Variants in ALK observed in about 807,000 individuals in gnomAD.
ALK encodes ALK tyrosine kinase receptor.
A neutral mutation model predicts 163.1 loss-of-function variants in ALK; 74 were observed. The ratio of observed to expected loss-of-function variants is 0.45; its 90% CI spans 0.38 to 0.55. The LOEUF (loss-of-function observed/expected upper bound fraction) is 0.55, where lower values mean the gene tolerates loss of function less well. ALK is among the 20% of genes least tolerant of loss of function. The pLI is 0.00. For missense variants in ALK, 2,063 were observed against 2,105.3 expected (o/e 0.98, Z 0.39); for synonymous variants, 960 against 843.2 (o/e 1.14, Z -2.40).
chr2:29,715,751 C>A (rs536454087), intron 2 of ALK, among the ~76,000 whole-genome samples: 1 of 152,322 alleles, frequency 6.6e-6, no homozygotes, highest in South Asian at 2.1e-4. Context: ...GGTTACAAAG[C>A]ATTAACAATG....
intron 3 of ALK, among the ~76,000 whole-genome samples, chr2:29,694,289 C>G (rs1446188566): frequency 6.6e-6 from 1 of 152,208 alleles, no homozygotes; most frequent in East Asian, 1.9e-4. Flanking sequence ...TCACACCAAG[C>G]AAATGTGTCG....
intron 5 of ALK, among the ~76,000 whole-genome samples, chr2:29,337,147 A>T (rs888479688): frequency 2.0e-5 from 3 of 152,202 alleles, no homozygotes; most frequent in African/African-American, 7.2e-5. Context: ...GGGGTATTAG[A>T]AGGCCTGAGA....
chr2:29,583,271 T>C (rs986887505), intron 3 of ALK, among the ~76,000 whole-genome samples: 1 of 152,152 alleles, frequency 6.6e-6, no homozygotes, highest in Non-Finnish European at 1.5e-5. Flanking sequence ...AACTAAACAT[T>C]GCATCATGCT....
chr2:29,878,523 C>T (rs941832961), intron 1 of ALK, among the ~76,000 whole-genome samples: 4 of 152,184 alleles, frequency 2.6e-5, no homozygotes, highest in Admixed American at 6.5e-5. Flanking sequence ...TTTTAGCCAT[C>T]ATTCCTAGGC....
In ALK at chr2:29,549,988, T is replaced by C. The variant is rs1673672760; in HGVS notation, c.953-17872A>G. 2.0e-5 allele frequency among the ~76,000 whole-genome samples: 3 copies of C among 151,440 alleles called. No individual in the cohort carries two copies. In the South Asian group the frequency reaches 6.3e-4, roughly 32 times the overall value. On this transcript the variant is annotated intron_variant, in intron 3 of 28. Coordinates refer to ENST00000389048, the MANE Select transcript of ALK (RefSeq NM_004304.5). ...CTAAGCCCCTGGATAAAAAAGTGCT[T>C]CAATTACTATTACAATTCAGGTCCC...
chr2:29,198,759 G>T lies in ALK; in HGVS notation c.3939-1083C>A, dbSNP rs528345698. Among the ~76,000 whole-genome samples the T allele has an allele frequency of 4.7e-4, 71 of 152,148 alleles. 1 individual carries two copies. Among genetic ancestry groups the T allele is most frequent in the Admixed American group, 7.2e-4 (11 of 15,282 alleles). ...TAGAATATTTTAAATTATGTTTATT[G>T]ACTTGATAATTCACATGGTTGGATG... On this transcript the variant is annotated intron_variant, in intron 26 of 28. Coordinates refer to ENST00000389048, the MANE Select transcript of ALK (RefSeq NM_004304.5).
At position 29,282,856 on chromosome 2, in the gene ALK, G is replaced by T. The variant is rs149836789; in HGVS notation, c.1818-7360C>A. 3.7e-4 allele frequency among the ~76,000 whole-genome samples: 56 copies of T among 152,010 alleles called. 1 individual carries two copies. The East Asian group carries it at 0.01, about 28-fold the overall frequency. ...TCACTTTCGGGGGCTCAGCCTAAAG[G>T]CTCCTGGCTCCCTCCTGTGCTCTGG... is the stretch of plus-strand genomic sequence containing the variant. On this transcript the variant is annotated intron_variant, in intron 9 of 28. Transcript: ENST00000389048.
intron 1 of ALK, among the ~76,000 whole-genome samples, chr2:29,732,716 G>C (rs1240926585): frequency 1.3e-5 from 2 of 152,080 alleles, no homozygotes; most frequent in Non-Finnish European, 2.9e-5. Flanking sequence ...CCACAGAAAA[G>C]AGGCCCAAAA....
At chr2:29,823,472 C>T (rs1665107455) in intron 1 of ALK, among the ~76,000 whole-genome samples, 1 of 152,142 alleles carries the variant, frequency 6.6e-6, no homozygotes, top group Admixed American at 6.5e-5. Context: ...TTGGAACTCC[C>T]TAAAGACTTG....
chr2:29,209,125 T>TGAGAA (rs57598794), intron 25 of ALK, among the ~76,000 whole-genome samples: 60,728 of 151,476 alleles, frequency 0.4, 14,656 homozygotes, highest in East Asian at 0.8. Flanking sequence ...TCCTGAGTAC[T>TGAGAA]GAGGAGTTGA....
At chr2:29,260,109 T>C (rs565344666) in intron 11 of ALK, among the ~76,000 whole-genome samples, 3 of 152,228 alleles carry the variant, frequency 2.0e-5, no homozygotes, top group Admixed American at 6.5e-5. Context: ...AGGCATAAAC[T>C]GTTGTGTTTG....
At chr2:29,319,850 G>A (rs1007993122) in intron 7 of ALK, among the ~76,000 whole-genome samples, 4 of 152,242 alleles carry the variant, frequency 2.6e-5, no homozygotes, top group Admixed American at 1.3e-4. Flanking sequence ...AGTGGGGACT[G>A]AGCCAACTCA....
At chr2:29,393,183 T>C (rs1174195871) in intron 4 of ALK, among the ~76,000 whole-genome samples, 1 of 152,170 alleles carries the variant, frequency 6.6e-6, no homozygotes, top group African/African-American at 2.4e-5. Context: ...ACTCGGAACA[T>C]GATACCCAAA....
At chr2:29,390,519 T>A (rs1669140752) in intron 4 of ALK, among the ~76,000 whole-genome samples, 1 of 151,858 alleles carries the variant, frequency 6.6e-6, no homozygotes, top group Non-Finnish European at 1.5e-5. Flanking sequence ...TGTAAAGATT[T>A]GTTAGAAACA....
intron 4 of ALK, among the ~76,000 whole-genome samples, chr2:29,405,426 A>C (rs1014673732): frequency 6.6e-6 from 1 of 152,196 alleles, no homozygotes; most frequent in Non-Finnish European, 1.5e-5. Flanking sequence ...GAAAGGAGGC[A>C]GAACAGCTGT....
Position 29,637,957 on chromosome 2 carries a change from C to A in ALK, c.952+56893G>T, listed in dbSNP as rs186397690. On this transcript the variant is annotated intron_variant, in intron 3 of 28. Transcript: ENST00000389048. ...TTAAAACTCAAGCTGGTAATTAAAC[C>A]CGATACAGAATTTTGAAATAAACTT... Among the ~76,000 whole-genome samples the A allele has an allele frequency of 1.2e-4, 18 of 151,648 alleles. 1 individual carries two copies. Among genetic ancestry groups the A allele is most frequent in the African/African-American group, 4.4e-4 (18 of 41,338 alleles).
At chr2:29,362,274 C>G (rs755040896) in intron 5 of ALK, among the ~76,000 whole-genome samples, 6 of 152,180 alleles carry the variant, frequency 3.9e-5, no homozygotes, top group Non-Finnish European at 7.3e-5. Context: ...TTCCTTCCTT[C>G]TCTTTTTCCT....
At chr2:29,393,625 T>C (rs1669232750) in intron 4 of ALK, among the ~76,000 whole-genome samples, 1 of 152,254 alleles carries the variant, frequency 6.6e-6, no homozygotes, top group Non-Finnish European at 1.5e-5. Context: ...TGGGTCTTCA[T>C]TTCTGAAGGC....
intron 1 of ALK, among the ~76,000 whole-genome samples, chr2:29,738,524 T>A (rs539957711): frequency 5.3e-5 from 8 of 152,144 alleles, no homozygotes; most frequent in Admixed American, 5.2e-4. Flanking sequence ...AGCCCATGAA[T>A]CCATCTCTGG....
Sources: gnomAD v4.1 joint callset for allele counts (sites outside exome capture counted in the v4.1 genomes callset) on GRCh38, gnomAD v4.1.1 for gene constraint, MANE v1.5 for transcripts, NCBI Gene and HGNC (gene_info 2026-07-23, HGNC 2026-07-21) for gene names.